Variants in STIM1 observed in about 807,000 individuals in gnomAD.
STIM1 encodes the protein stromal interaction molecule 1.
A neutral mutation model predicts 74.7 loss-of-function variants in STIM1; 25 were observed. The ratio of observed to expected loss-of-function variants is 0.33; its 90% CI spans 0.24 to 0.47. The LOEUF is 0.47. Ranked by LOEUF, STIM1 falls within the 20% of genes least tolerant of loss-of-function variation. The pLI is 1.00. For synonymous variants in STIM1, 328 were observed against 348.8 expected (o/e 0.94, Z 0.66); for missense variants, 728 against 920.8 (o/e 0.79, Z 2.71).
chr11:4,050,804 C>T (rs2094233716), intron 3 of STIM1, among the ~76,000 whole-genome samples: 1 of 152,070 alleles, frequency 6.6e-6, no homozygotes, highest in Non-Finnish European at 1.5e-5. Flanking sequence ...AGCCTATTAA[C>T]ACATATTTTA....
At chr11:4,085,571 C>T (rs1295072662) in intron 11 of STIM1, among the ~76,000 whole-genome samples, 2 of 152,214 alleles carry the variant, frequency 1.3e-5, no homozygotes, top group Non-Finnish European at 2.9e-5. Context: ...GCATAAAAAG[C>T]ATCCATAGTC....
chr11:3,961,831 G>A lies in STIM1; in HGVS notation c.140-5721G>A, dbSNP rs576156073. Among the ~76,000 whole-genome samples the A allele has an allele frequency of 1.1e-3, 172 of 152,266 alleles. 1 individual carries two copies. Among genetic ancestry groups the A allele is most frequent in the African/African-American group, 3.9e-3 (164 of 41,542 alleles). ...CCAAATACCTGTATTTCTAAGCAAAGGAGCTGATAGAAAAAGGTTGAATTT... is the reference window on the plus strand; with the variant it reads ...CCAAATACCTGTATTTCTAAGCAAAAGAGCTGATAGAAAAAGGTTGAATTT... On this transcript the variant is annotated intron_variant, in intron 1 of 12. Coordinates refer to ENST00000526596, the MANE Select transcript of STIM1 (RefSeq NM_001382567.1).
At chr11:3,953,779 TCTTTC>T (rs2093177930) in intron 1 of STIM1, among the ~76,000 whole-genome samples, 1 of 132,812 alleles carries the variant, frequency 7.5e-6, no homozygotes, top group Non-Finnish European at 1.7e-5. Context: ...TTGATCTTCT[TCTTTC>T]TTTTTTTTTT....
chr11:3,944,841 A>G (rs1002268200), intron 1 of STIM1, among the ~76,000 whole-genome samples: 1 of 152,190 alleles, frequency 6.6e-6, no homozygotes, highest in Non-Finnish European at 1.5e-5. Context: ...ATTTCTTGCT[A>G]GGGTTTTCCT....
intron 12 of STIM1, chr11:4,089,068 CAA>C (rs1347149421): frequency 3.9e-6 from 1 of 254,810 alleles, no homozygotes; most frequent in South Asian, 4.7e-5. Flanking sequence ...CCTGTCTCTA[CAA>C]AAAAAAAATC....
At chr11:3,920,387 C>G (rs2092703175) in intron 1 of STIM1, among the ~76,000 whole-genome samples, 1 of 152,314 alleles carries the variant, frequency 6.6e-6, no homozygotes, top group South Asian at 2.1e-4. Context: ...TATCCTCTGG[C>G]AATCATTAGT....
chr11:4,009,492 C>T (rs891412748), intron 2 of STIM1, among the ~76,000 whole-genome samples: 1 of 151,576 alleles, frequency 6.6e-6, no homozygotes, highest in African/African-American at 2.4e-5. Context: ...CCTGTAATCC[C>T]AGCTACTCAG....
At chr11:4,016,916 G>C (rs2093903588) in intron 2 of STIM1, among the ~76,000 whole-genome samples, 2 of 152,244 alleles carry the variant, frequency 1.3e-5, no homozygotes, top group East Asian at 3.9e-4. Context: ...CAGTTGCGAA[G>C]ACCGTGGGAA....
At chr11:3,961,516 A>T (rs7925954) in intron 1 of STIM1, 51,803 of 148,480 alleles carry the variant, frequency 0.35, 9,409 homozygotes, top group South Asian at 0.49. Context: ...ATATACATAT[A>T]TTTTTTTTTT....
chr11:3,901,573 A>G (rs910852140), intron 1 of STIM1, among the ~76,000 whole-genome samples: 5 of 151,456 alleles, frequency 3.3e-5, no homozygotes, highest in African/African-American at 1.2e-4. Flanking sequence ...AAAATCTCCT[A>G]AGTGTTTAAC....
At position 3,934,599 on chromosome 11, in the gene STIM1, C is replaced by T. The variant is rs184103895; in HGVS notation, c.140-32953C>T. Among the ~76,000 whole-genome samples the T allele has an allele frequency of 1.6e-4, 25 of 152,334 alleles. No homozygotes were observed. In the East Asian group the frequency reaches 4.4e-3, roughly 27 times the overall value. Reference sequence around the variant, plus strand: ...CACAGGGTATGAGGGAGACTAGAGTCTCAAAAATTGTAGAATTGAACAATT... The same window carrying T: ...CACAGGGTATGAGGGAGACTAGAGTTTCAAAAATTGTAGAATTGAACAATT... On this transcript the variant is annotated intron_variant, in intron 1 of 12. Coordinates refer to ENST00000526596, the MANE Select transcript of STIM1 (RefSeq NM_001382567.1).
chr11:3,887,423 G>A (rs2091748929), intron 1 of STIM1, among the ~76,000 whole-genome samples: 1 of 152,162 alleles, frequency 6.6e-6, no homozygotes, highest in Admixed American at 6.5e-5. Context: ...GGTGAACCTG[G>A]AAACAATGGA....
chr11:4,061,504 G>C (rs1340692848), intron 5 of STIM1, among the ~76,000 whole-genome samples: 2 of 152,142 alleles, frequency 1.3e-5, no homozygotes, highest in African/African-American at 2.4e-5. Flanking sequence ...ACTTGTGTTG[G>C]CGAGGGTATA....
intron 1 of STIM1, among the ~76,000 whole-genome samples, chr11:3,919,396 G>A (rs7940277): frequency 0.54 from 81,478 of 151,732 alleles, 23,315 homozygotes; most frequent in African/African-American, 0.76. Context: ...GTAGAGACGG[G>A]GTTTCACCAT....
intron 5 of STIM1, among the ~76,000 whole-genome samples, chr11:4,068,376 TG>T (rs1454512484): frequency 6.6e-6 from 1 of 152,148 alleles, no homozygotes; most frequent in Non-Finnish European, 1.5e-5. Context: ...CTTTGACTTT[TG>T]GTAAGAATAT....
At chr11:4,056,249 C>T (rs996079556) in intron 4 of STIM1, among the ~76,000 whole-genome samples, 2 of 152,154 alleles carry the variant, frequency 1.3e-5, no homozygotes, top group African/African-American at 4.8e-5. Context: ...TGGGATGGCT[C>T]CAACAGCTGT....
chr11:3,883,794 T>C (rs1343712493), intron 1 of STIM1, among the ~76,000 whole-genome samples: 1 of 152,214 alleles, frequency 6.6e-6, no homozygotes, highest in African/African-American at 2.4e-5. Flanking sequence ...TAAATGAAAC[T>C]TGAGTATAGA....
At chr11:4,077,181 G>A (rs1324210043) in intron 7 of STIM1, among the ~76,000 whole-genome samples, 1 of 151,592 alleles carries the variant, frequency 6.6e-6, no homozygotes, top group Non-Finnish European at 1.5e-5. Context: ...AGGTCATGAA[G>A]TATTGACCTA....
At chr11:3,990,323 A>G (rs1478772518) in intron 2 of STIM1, among the ~76,000 whole-genome samples, 1 of 152,216 alleles carries the variant, frequency 6.6e-6, no homozygotes, top group Non-Finnish European at 1.5e-5. Flanking sequence ...ATCAATTTAT[A>G]GACATCTGGT....
Sources: gnomAD v4.1 joint callset for allele counts (sites outside exome capture counted in the v4.1 genomes callset) on GRCh38, gnomAD v4.1.1 for gene constraint, MANE v1.5 for transcripts, NCBI Gene and HGNC (gene_info 2026-07-23, HGNC 2026-07-21) for gene names.